Variants in LSMEM1 observed in about 807,000 individuals in gnomAD.
The protein encoded by LSMEM1 is leucine rich single-pass membrane protein 1.
In LSMEM1, 10 loss-of-function variants were observed where a neutral mutation model predicts 11.3. The observed-to-expected ratio is 0.89, with a 90% CI of 0.55 to 1.50. LSMEM1 has a LOEUF of 1.50. LSMEM1 is among the 40% of genes most tolerant of loss of function. The pLI is 0.00. For synonymous variants in LSMEM1, 65 were observed against 59.3 expected (o/e 1.10, Z -0.44); for missense variants, 151 against 152.9 (o/e 0.99, Z 0.06).
At position 112,490,178 on chromosome 7, in the gene LSMEM1, T is replaced by C; in HGVS notation, c.*229T>C. On this transcript the variant is annotated 3_prime_UTR_variant, in exon 4 of 4. Transcript: ENST00000312849. ...AACTTGTCTCAGCCCCCTTTTATGG[T>C]AGGGCACTTCAACTTTAATGGGGTG... is the stretch of plus-strand genomic sequence containing the variant. 1 of 431,932 alleles carries C rather than the reference T, an allele frequency of 2.3e-6. No individual in the cohort carries two copies. Among genetic ancestry groups the C allele is most frequent in the South Asian group, 4.8e-5 (1 of 20,766 alleles). 26.8% of individuals were successfully genotyped at this position (431,932 alleles called of 1,614,324 possible).
chr7:112,484,144 C>T (rs1481893166), intron 1 of LSMEM1, among the ~76,000 whole-genome samples: 1 of 152,334 alleles, frequency 6.6e-6, no homozygotes, highest in East Asian at 1.9e-4. Context: ...GTCCTGAAGT[C>T]TAGCAGCATT....
intron 1 of LSMEM1, among the ~76,000 whole-genome samples, chr7:112,482,668 C>T (rs943520744): frequency 6.6e-5 from 10 of 152,164 alleles, no homozygotes; most frequent in Non-Finnish European, 1.5e-4. Context: ...AAATCTGTGA[C>T]TATGCATGAG....
At chr7:112,488,045 C>G (rs544741885) in intron 3 of LSMEM1, among the ~76,000 whole-genome samples, 1 of 152,070 alleles carries the variant, frequency 6.6e-6, no homozygotes, top group Non-Finnish European at 1.5e-5. Context: ...ACCCTTTCAC[C>G]GCTTCCAATC....
In LSMEM1 at chr7:112,490,440, T is replaced by G. The variant is rs1460988924; in HGVS notation, c.*491T>G. 2 of 152,580 alleles carry G rather than the reference T, an allele frequency of 1.3e-5. No individual in the cohort carries two copies. The highest frequency in any genetic ancestry group is 6.5e-5 in the Admixed American group (1 of 15,318). The allele number at this position is 152,580 out of a possible 1,614,324, so 9.5% of individuals were successfully genotyped here. A position where few individuals can be genotyped will look rare whatever the true frequency, so the allele number is the denominator to read the frequency against. ...AGGGATTCTGCTCAGGTGATTAGAC[T>G]TTGACTCTATTTCCCCAGGGACAGT... On this transcript the variant is annotated 3_prime_UTR_variant, in exon 4 of 4. Transcript: ENST00000312849.
In LSMEM1 at chr7:112,486,850, G is replaced by A. The variant is rs112700742; in HGVS notation, c.128-73G>A. On this transcript the variant is annotated intron_variant, in intron 2 of 3. Coordinates refer to ENST00000312849, the MANE Select transcript of LSMEM1 (RefSeq NM_182597.3). Reference sequence around the variant, plus strand: ...CCATTACTCACGGTCTAACACTGGGGTACTGTTCAGTTCTGCTGACAAGTT... The same window carrying A: ...CCATTACTCACGGTCTAACACTGGGATACTGTTCAGTTCTGCTGACAAGTT... 3 of 1,592,412 alleles carry A rather than the reference G, an allele frequency of 1.9e-6. No homozygotes were observed. The African/African-American group carries it at 4.0e-5, about 21-fold the overall frequency.
rs775589028 is a variant in LSMEM1 at position 112,491,038 on chromosome 7, G to T, written c.*1089G>T. Reference sequence around the variant, plus strand: ...CACTTTACAATACTAAATAGTTAATGAAATAAACACATTTTGCTTACCCAG... The same window carrying T: ...CACTTTACAATACTAAATAGTTAATTAAATAAACACATTTTGCTTACCCAG... On this transcript the variant is annotated 3_prime_UTR_variant, in exon 4 of 4. Transcript: ENST00000312849. 6.6e-6 allele frequency: 1 copy of T among 152,064 alleles called. No homozygotes were observed. Among genetic ancestry groups the T allele is most frequent in the Non-Finnish European group, 1.5e-5 (1 of 68,010 alleles). The allele number at this position is 152,064 out of a possible 1,614,324, so 9.4% of individuals were successfully genotyped here.
Position 112,484,709 on chromosome 7 carries a change from G to A in LSMEM1, c.-5-103G>A, listed in dbSNP as rs374636970. On this transcript the variant is annotated intron_variant, in intron 1 of 3. Transcript: ENST00000312849. ...CCTTAGTTGAAAATACTATTTGTGG[G>A]TGGTTCTTCATAGGCCTGTCTGGCT... 38 of 1,165,980 alleles carry A rather than the reference G, an allele frequency of 3.3e-5. No individual in the cohort carries two copies. The East Asian group carries it at 7.8e-4, about 24-fold the overall frequency. 72.2% of individuals were successfully genotyped at this position (1,165,980 alleles called of 1,614,324 possible).
chr7:112,480,606 G>A (rs1222967914), upstream of LSMEM1, among the ~76,000 whole-genome samples: 1 of 152,166 alleles, frequency 6.6e-6, no homozygotes, highest in East Asian at 1.9e-4. Context: ...CACATATATG[G>A]AAGGCTGTTA....
chr7:112,483,339 G>A (rs746263753), intron 1 of LSMEM1: 3 of 152,060 alleles, frequency 2.0e-5, no homozygotes, highest in African/African-American at 4.8e-5. Context: ...TCTTATTTCT[G>A]TTCATGTACT....
intron 2 of LSMEM1, 75 bp downstream of exon 2, chr7:112,485,018 T>G (rs1468469684): frequency 1.3e-5 from 18 of 1,388,668 alleles, no homozygotes; most frequent in Admixed American, 1.1e-4. Context: ...GCTGACTGGA[T>G]GTGTGGGTGT....
chr7:112,484,727 G>C, intron 1 of LSMEM1, 85 bp from the exon 2 acceptor site: 1 of 1,461,478 alleles, frequency 6.8e-7, no homozygotes, highest in East Asian at 2.4e-5. Context: ...TCATAGGCCT[G>C]TCTGGCTTCC....
chr7:112,487,919 T>G (rs1204760214), intron 3 of LSMEM1, among the ~76,000 whole-genome samples: 1 of 152,264 alleles, frequency 6.6e-6, no homozygotes, highest in Non-Finnish European at 1.5e-5. Flanking sequence ...GTCATTTCTT[T>G]CACCCTTGAG....
intron 3 of LSMEM1, among the ~76,000 whole-genome samples, chr7:112,488,071 A>G (rs1054812481): frequency 6.6e-6 from 1 of 152,020 alleles, no homozygotes; most frequent in Non-Finnish European, 1.5e-5. Context: ...TCCTCCCCCA[A>G]AGACTCCTCC....
chr7:112,483,096 G>A (rs1423334419), intron 1 of LSMEM1, among the ~76,000 whole-genome samples: 1 of 148,614 alleles, frequency 6.7e-6, no homozygotes, highest in Non-Finnish European at 1.5e-5. Context: ...CTCAGTAAGT[G>A]TCTGATACTT....
intron 1 of LSMEM1, chr7:112,483,334 T>C (rs1796067123): frequency 6.6e-6 from 1 of 152,212 alleles, no homozygotes; most frequent in Non-Finnish European, 1.5e-5. Context: ...CTCAATCTTA[T>C]TTCTGTTCAT....
intron 1 of LSMEM1, among the ~76,000 whole-genome samples, chr7:112,484,533 G>A (rs1157695624): frequency 1.3e-5 from 2 of 152,212 alleles, no homozygotes; most frequent in African/African-American, 4.8e-5. Context: ...AAGAGTGTTT[G>A]CAGATAAGCA....
At position 112,484,934 on chromosome 7, in the gene LSMEM1, C is replaced by CA; in HGVS notation, c.119dup (p.His40GlnfsTer55). ...AAACCTCTGTCCAGCCGGATCGCAG[C>CA]ATCTGTTCCGTATGTGTGCTGGGGA... On this transcript the variant is annotated frameshift_variant, in exon 2 of 4. Transcript: ENST00000312849. LOFTEE classifies it high-confidence loss of function. 1 of 1,609,990 alleles carries CA rather than the reference C, an allele frequency of 6.2e-7. No homozygotes were observed. The highest frequency in any genetic ancestry group is 1.7e-5 in the Admixed American group (1 of 59,928).
In LSMEM1 at chr7:112,486,848, G is replaced by A; in HGVS notation, c.128-75G>A. 6.9e-6 allele frequency: 11 copies of A among 1,588,254 alleles called. No individual in the cohort carries two copies. In the South Asian group the frequency reaches 1.0e-4, roughly 15 times the overall value. Reference sequence around the variant, plus strand: ...GTCCATTACTCACGGTCTAACACTGGGGTACTGTTCAGTTCTGCTGACAAG... The same window carrying A: ...GTCCATTACTCACGGTCTAACACTGAGGTACTGTTCAGTTCTGCTGACAAG... On this transcript the variant is annotated intron_variant, in intron 2 of 3. Coordinates refer to ENST00000312849, the MANE Select transcript of LSMEM1 (RefSeq NM_182597.3).
At chr7:112,486,551 C>A in intron 2 of LSMEM1, 2 of 314,154 alleles carry the variant, frequency 6.4e-6, no homozygotes, top group Non-Finnish European at 1.3e-5. Context: ...CCGAGGAGGG[C>A]AGATCATGAG....
Sources: allele counts gnomAD v4.1 joint callset (sites outside exome capture counted in the v4.1 genomes callset), GRCh38; gene constraint gnomAD v4.1.1; transcripts MANE v1.5; gene names NCBI Gene and HGNC (gene_info 2026-07-23, HGNC 2026-07-21).